Variants in DOCK1 observed in about 807,000 individuals in gnomAD.
DOCK1 encodes the protein dedicator of cytokinesis protein 1.
DOCK1 carries 138 observed loss-of-function variants against 262.7 expected under a neutral mutation model. That is an observed-to-expected ratio of 0.53 (90% CI 0.46 to 0.61). DOCK1 has a LOEUF of 0.61. DOCK1 is among the 20% of genes least tolerant of loss of function. DOCK1 has a pLI of 0.00. For synonymous variants in DOCK1, 866 were observed against 867.4 expected, an observed-to-expected ratio of 1.00 and a Z score of 0.03; for missense variants, 1,908 against 2,370.7, an observed-to-expected ratio of 0.80 and a Z score of 4.05.
At chr10:127,267,220 C>A (rs2489412) in intron 29 of DOCK1, among the ~76,000 whole-genome samples, 24,531 of 152,084 alleles carry the variant, frequency 0.16, 2,152 homozygotes, top group East Asian at 0.25. Context: ...TGTATCAGAG[C>A]CCACTGCACC....
At chr10:127,182,275 A>G (rs928271421) in intron 27 of DOCK1, among the ~76,000 whole-genome samples, 8 of 152,180 alleles carry the variant, frequency 5.3e-5, no homozygotes, top group Admixed American at 1.3e-4. Context: ...CCACTCATGC[A>G]TATCTGCGGT....
chr10:127,189,691 T>C (rs1397450613), intron 27 of DOCK1, among the ~76,000 whole-genome samples: 1 of 152,174 alleles, frequency 6.6e-6, no homozygotes, highest in Non-Finnish European at 1.5e-5. Context: ...AAATACGGTT[T>C]GAAAGTGAAC....
chr10:127,157,631 G>C (rs923132091), intron 27 of DOCK1, among the ~76,000 whole-genome samples: 1 of 152,192 alleles, frequency 6.6e-6, no homozygotes, highest in Non-Finnish European at 1.5e-5. Context: ...AGGAGTCATT[G>C]TGTTTTCTTT....
intron 28 of DOCK1, among the ~76,000 whole-genome samples, chr10:127,250,822 A>C: frequency 7.9e-6 from 1 of 126,712 alleles, no homozygotes; most frequent in Admixed American, 8.1e-5. Flanking sequence ...AAAAAAAAAA[A>C]TGACGTTTGT....
At position 127,257,473 on chromosome 10, in the gene DOCK1, A is replaced by AT. The variant is rs1398343184; in HGVS notation, c.3044+46dup. 2.0e-6 allele frequency: 3 copies of AT among 1,528,272 alleles called. No homozygotes were observed. In the African/African-American group the frequency reaches 4.1e-5, roughly 21 times the overall value. 94.7% of individuals were successfully genotyped at this position (1,528,272 alleles called of 1,614,324 possible). On this transcript the variant is annotated intron_variant, in intron 29 of 51. Transcript: ENST00000623213. ...GCTCTCACCTTTTCTATGGCTCCCA[A>AT]TTCATGTCTGCTGGGAACAGTGGTG...
chr10:127,245,194 G>A (rs2059391407), intron 27 of DOCK1, among the ~76,000 whole-genome samples: 1 of 152,170 alleles, frequency 6.6e-6, no homozygotes, highest in African/African-American at 2.4e-5. Flanking sequence ...CAAAGGGCAG[G>A]GAGGAAGGGG....
rs754664299 is a variant in DOCK1, at chr10:127,444,326, C to T, written c.5413+47C>T. On this transcript the variant is annotated intron_variant, in intron 50 of 51. Transcript: ENST00000623213. ...TACGAATCGTGCTATAGCTCCGTGA[C>T]TTCCCCTCACTGAAGGCTCTGAGGT... The T allele has an allele frequency of 1.1e-5, 17 of 1,533,196 alleles. No individual in the cohort carries two copies. In the South Asian group the frequency reaches 1.7e-4, roughly 15 times the overall value. The allele number at this position is 1,533,196 out of a possible 1,614,324, so 95.0% of individuals were successfully genotyped here.
At position 127,087,993 on chromosome 10, in the gene DOCK1, G is replaced by A. The variant is rs79134454; in HGVS notation, c.2446-18238G>A. Among the ~76,000 whole-genome samples, 964 of 152,232 alleles carry A rather than the reference G, an allele frequency of 6.3e-3. 7 individuals carry two copies. The highest frequency in any genetic ancestry group is 0.011 in the Non-Finnish European group (719 of 68,022). ...TAAATGTAATTATTTTCTTGCCAGC[G>A]TTCGTATTTAATTGCTAAGTTTTCT... On this transcript the variant is annotated intron_variant, in intron 23 of 51. Coordinates refer to ENST00000623213, the MANE Select transcript of DOCK1 (RefSeq NM_001290223.2).
intron 27 of DOCK1, among the ~76,000 whole-genome samples, chr10:127,144,907 C>A (rs1008267449): frequency 6.6e-6 from 1 of 152,222 alleles, no homozygotes; most frequent in African/African-American, 2.4e-5. Context: ...AAGATCTGTC[C>A]CCTTTTCCTG....
At chr10:127,267,337 T>G (rs1001642184) in intron 29 of DOCK1, among the ~76,000 whole-genome samples, 3 of 152,230 alleles carry the variant, frequency 2.0e-5, no homozygotes, top group Non-Finnish European at 4.4e-5. Flanking sequence ...AGTTATTCTA[T>G]TTCATGTCTG....
At chr10:127,272,516 T>TG (rs1204098825) in intron 29 of DOCK1, among the ~76,000 whole-genome samples, 11 of 152,226 alleles carry the variant, frequency 7.2e-5, no homozygotes, top group African/African-American at 2.7e-4. Context: ...GCTGACTGAA[T>TG]GGGTAGCTTT....
chr10:127,000,242 T>C lies in DOCK1; in HGVS notation c.920T>C (p.Met307Thr). ...TGTCAGATTGTTCGCGTGGGTCGCATGGAGCTGAGGGACAACAACACCAGG... is the reference window on the plus strand; with the variant it reads ...TGTCAGATTGTTCGCGTGGGTCGCACGGAGCTGAGGGACAACAACACCAGG... Reference protein sequence around the residue: ...FVCQIVRVGRMELRDNNTRKL... With the variant: ...FVCQIVRVGRTELRDNNTRKL... Residue 307 changes from methionine to threonine, a missense_variant, in exon 10 of 52, where the codon ATG becomes ACG. By Grantham distance (81) the Met-to-Thr change is moderately conservative (BLOSUM62 -1). Around this residue, in one of 9 missense-constraint regions of DOCK1, gnomAD observed 102 missense variants for 154.9 expected, o/e 0.66. Coordinates refer to ENST00000623213, the MANE Select transcript of DOCK1 (RefSeq NM_001290223.2). 1 of 1,614,014 alleles carries C rather than the reference T, an allele frequency of 6.2e-7. No homozygotes were observed. Among genetic ancestry groups the C allele is most frequent in the South Asian group, 1.1e-5 (1 of 91,074 alleles).
chr10:127,217,881 AG>A (rs1424408612), intron 27 of DOCK1, among the ~76,000 whole-genome samples: 1 of 152,186 alleles, frequency 6.6e-6, no homozygotes, highest in Non-Finnish European at 1.5e-5. Flanking sequence ...CGGAAGTTAA[AG>A]GGCCAGTTTT....
chr10:127,200,428 T>C (rs1367810129), intron 27 of DOCK1, among the ~76,000 whole-genome samples: 2 of 152,230 alleles, frequency 1.3e-5, no homozygotes, highest in Non-Finnish European at 2.9e-5. Context: ...GTTTTTGTTT[T>C]TGTTTTTGTT....
intron 29 of DOCK1, among the ~76,000 whole-genome samples, chr10:127,296,801 G>C (rs149636652): frequency 1.3e-5 from 2 of 152,136 alleles, no homozygotes; most frequent in East Asian, 1.9e-4. Context: ...TCACAGTTGT[G>C]GGGGAGGCTT....
chr10:126,976,485 A>C (rs541408833), intron 2 of DOCK1, among the ~76,000 whole-genome samples: 7 of 152,282 alleles, frequency 4.6e-5, no homozygotes, highest in African/African-American at 1.7e-4. Context: ...TTTCTGGTTC[A>C]CAATCATCCT....
chr10:127,090,843 A>G (rs1307085333), intron 23 of DOCK1, among the ~76,000 whole-genome samples: 2 of 152,190 alleles, frequency 1.3e-5, no homozygotes, highest in African/African-American at 4.8e-5. Flanking sequence ...ATGGCTCGGT[A>G]GTATTCCATT....
chr10:127,253,874 CAAA>C (rs575042004), intron 28 of DOCK1, among the ~76,000 whole-genome samples: 6 of 101,464 alleles, frequency 5.9e-5, no homozygotes, highest in Non-Finnish European at 9.5e-5. Context: ...GACCCTGTCT[CAAA>C]AAAAAAAAAA....
At chr10:127,041,507 G>C (rs2044011120) in intron 19 of DOCK1, among the ~76,000 whole-genome samples, 2 of 152,178 alleles carry the variant, frequency 1.3e-5, no homozygotes, top group South Asian at 2.1e-4. Flanking sequence ...CTTTTTTGGA[G>C]ATGATGAATA....
Sources: allele counts gnomAD v4.1 joint callset (sites outside exome capture counted in the v4.1 genomes callset), GRCh38; gene constraint gnomAD v4.1.1; regional missense constraint gnomAD v4.1.1; transcripts MANE v1.5; gene names NCBI Gene and HGNC (gene_info 2026-07-23, HGNC 2026-07-21).